Variants in KIAA0825 observed in about 807,000 individuals in gnomAD.
KIAA0825 encodes the protein uncharacterized protein KIAA0825.
Under a neutral mutation model 147.6 loss-of-function variants are expected in KIAA0825, and 119 were observed. The observed-to-expected ratio is 0.81, with a 90% CI of 0.69 to 0.94. The LOEUF (loss-of-function observed/expected upper bound fraction) is 0.94, where lower values mean the gene tolerates loss of function less well. Ranked by LOEUF, KIAA0825 falls within the 40% of genes least tolerant of loss-of-function variation. The probability of loss-of-function intolerance (pLI) is 0.00; values close to 1 mark genes in which losing one functional copy is unlikely to be tolerated. For synonymous variants in KIAA0825, 470 were observed against 518.1 expected, an observed-to-expected ratio of 0.91 and a Z score of 1.26; for missense variants, 1,381 against 1,472.7, an observed-to-expected ratio of 0.94 and a Z score of 1.02.
chr5:94,478,429 CTGTA>C (rs1762136123), intron 6 of KIAA0825, among the ~76,000 whole-genome samples: 2 of 148,706 alleles, frequency 1.3e-5, no homozygotes, highest in South Asian at 4.3e-4. Context: ...CATAACATGA[CTGTA>C]TGGCAGGCAC....
intron 20 of KIAA0825, among the ~76,000 whole-genome samples, chr5:94,162,331 A>C (rs1308035963): frequency 1.3e-5 from 2 of 151,998 alleles, no homozygotes; most frequent in African/African-American, 4.8e-5. Flanking sequence ...TCATGGTCTC[A>C]CTCTGTTGCC....
intron 20 of KIAA0825, among the ~76,000 whole-genome samples, chr5:94,321,720 C>A (rs1328825517): frequency 1.3e-5 from 2 of 151,868 alleles, no homozygotes; most frequent in Non-Finnish European, 2.9e-5. Context: ...CCCTTTTGTT[C>A]TGAAAATGTT....
chr5:94,420,721 A>G (rs1754073665), intron 14 of KIAA0825, among the ~76,000 whole-genome samples: 2 of 152,168 alleles, frequency 1.3e-5, no homozygotes, highest in Non-Finnish European at 2.9e-5. Flanking sequence ...AAATGTTTTA[A>G]TACTAAAGAG....
At chr5:94,593,474 A>G (rs938576764) in intron 1 of KIAA0825, 8 of 676,854 alleles carry the variant, frequency 1.2e-5, no homozygotes, top group Non-Finnish European at 2.2e-5. Flanking sequence ...AGAATGGTAC[A>G]GTTTCTTCGA....
At chr5:94,323,172 T>G (rs1241916646) in intron 20 of KIAA0825, among the ~76,000 whole-genome samples, 1 of 152,006 alleles carries the variant, frequency 6.6e-6, no homozygotes, top group Non-Finnish European at 1.5e-5. Flanking sequence ...AACAAAATAC[T>G]CTTTAATGTA....
chr5:94,479,026 T>C (rs762017911), intron 6 of KIAA0825, among the ~76,000 whole-genome samples: 20 of 152,158 alleles, frequency 1.3e-4, no homozygotes, highest in Non-Finnish European at 2.6e-4. Context: ...GCCCTTAGTT[T>C]CCTCTACTGT....
At chr5:94,386,634 C>A (rs535035249) in intron 18 of KIAA0825, among the ~76,000 whole-genome samples, 1 of 152,198 alleles carries the variant, frequency 6.6e-6, no homozygotes, top group African/African-American at 2.4e-5. Flanking sequence ...ATTAGGAAAC[C>A]ATTTACCAAA....
intron 20 of KIAA0825, among the ~76,000 whole-genome samples, chr5:94,274,546 G>A (rs1009686120): frequency 6.6e-6 from 1 of 152,106 alleles, no homozygotes; most frequent in Non-Finnish European, 1.5e-5. Context: ...TTACAGAATA[G>A]CAAGTGTCAT....
chr5:94,474,732 G>A (rs780026457), intron 7 of KIAA0825, among the ~76,000 whole-genome samples: 7 of 152,026 alleles, frequency 4.6e-5, no homozygotes, highest in South Asian at 2.1e-4. Flanking sequence ...AAATTTTAAC[G>A]GAACTTTCTG....
intron 5 of KIAA0825, among the ~76,000 whole-genome samples, chr5:94,487,718 C>A (rs1182494326): frequency 6.6e-6 from 1 of 152,070 alleles, no homozygotes; most frequent in Non-Finnish European, 1.5e-5. Flanking sequence ...AGTTACCTCT[C>A]CAGAAAACAT....
chr5:94,321,883 T>C (rs1295293301), intron 20 of KIAA0825, among the ~76,000 whole-genome samples: 1 of 152,022 alleles, frequency 6.6e-6, no homozygotes, highest in African/African-American at 2.4e-5. Flanking sequence ...GACTTTATCA[T>C]AGAAAATTAA....
intron 20 of KIAA0825, among the ~76,000 whole-genome samples, chr5:94,323,679 G>A (rs542879429): frequency 1.3e-5 from 2 of 151,904 alleles, no homozygotes; most frequent in South Asian, 2.1e-4. Flanking sequence ...TCCGATTCTT[G>A]TATATGAAAA....
chr5:94,180,480 A>C (rs558330948), intron 20 of KIAA0825, among the ~76,000 whole-genome samples: 1 of 152,290 alleles, frequency 6.6e-6, no homozygotes, highest in East Asian at 1.9e-4. Context: ...TCTGTACTTT[A>C]GTTAACAGAA....
chr5:94,333,440 G>A (rs760864600), intron 20 of KIAA0825, among the ~76,000 whole-genome samples: 2 of 150,694 alleles, frequency 1.3e-5, no homozygotes, highest in Non-Finnish European at 3.0e-5. Context: ...CGGTTTTTTT[G>A]CATATAGCTA....
chr5:94,213,221 G>A (rs1772889912), intron 20 of KIAA0825, among the ~76,000 whole-genome samples: 2 of 151,968 alleles, frequency 1.3e-5, no homozygotes, highest in South Asian at 4.2e-4. Context: ...TTCATCTAGT[G>A]GCCATAGGAG....
chr5:94,187,819 T>C (rs956495273), intron 20 of KIAA0825, among the ~76,000 whole-genome samples: 1 of 152,154 alleles, frequency 6.6e-6, no homozygotes, highest in African/African-American at 2.4e-5. Flanking sequence ...TCAGAAATGA[T>C]AGTAACTCTT....
chr5:94,440,185 A>G (rs1252883457), intron 13 of KIAA0825, 64 bp from the exon 14 acceptor site: 1 of 1,462,472 alleles, frequency 6.8e-7, no homozygotes, highest in East Asian at 2.5e-5. Flanking sequence ...TAATAGCCTT[A>G]AAGTACAGAT....
intron 15 of KIAA0825, 98 bp downstream of exon 15, chr5:94,417,103 T>G: frequency 8.8e-7 from 1 of 1,139,736 alleles, no homozygotes; most frequent in Non-Finnish European, 1.3e-6. Flanking sequence ...CAACAACAGA[T>G]TCAGCAAAAC....
chr5:94,309,238 T>C (rs543786151), intron 20 of KIAA0825, among the ~76,000 whole-genome samples: 1 of 151,614 alleles, frequency 6.6e-6, no homozygotes, highest in East Asian at 1.9e-4. Flanking sequence ...ATTTTCATTT[T>C]AGCCGAGGAG....
Sources: gnomAD v4.1 joint callset for allele counts (sites outside exome capture counted in the v4.1 genomes callset) on GRCh38, gnomAD v4.1.1 for gene constraint, MANE v1.5 for transcripts, NCBI Gene and HGNC (gene_info 2026-07-23, HGNC 2026-07-21) for gene names.